The following ARHGEF40 variants were observed in gnomAD, a reference collection of about 807,000 sequenced individuals.
ARHGEF40 encodes the protein Rho guanine nucleotide exchange factor 40.
In ARHGEF40, 98 loss-of-function variants were observed where a neutral mutation model predicts 165.9. The ratio of observed to expected loss-of-function variants is 0.59; its 90% confidence interval spans 0.50 to 0.70. The LOEUF is 0.70. Ranked by LOEUF, ARHGEF40 falls within the 30% of genes least tolerant of loss-of-function variation. The probability of loss-of-function intolerance (pLI) is 0.00; values close to 1 mark genes in which losing one functional copy is unlikely to be tolerated. For synonymous variants in ARHGEF40, 792 were observed against 814.3 expected (o/e 0.97, Z 0.47); for missense variants, 1,815 against 1,968.0 (o/e 0.92, Z 1.47).
upstream of ARHGEF40, among the ~76,000 whole-genome samples, chr14:21,065,531 TAGAC>T (rs778894123): frequency 5.9e-5 from 9 of 152,188 alleles, no homozygotes; most frequent in Non-Finnish European, 8.8e-5. Context: ...TCTATTATGA[TAGAC>T]AGAAAATAAA....
Position 21,081,676 on chromosome 14 carries a change from A to T in ARHGEF40, c.2808A>T (p.Arg936=). Residue 936 remains arginine (R), a synonymous_variant, in exon 14 of 24, where the codon CGA becomes CGT. Transcript: ENST00000298694. Reference sequence around the variant, plus strand: ...ACCTGGGCAGCCCAGCAGCCCTGCGAGAATGGGGCCGCTGCCAGGCCCGCT... The same window carrying T: ...ACCTGGGCAGCCCAGCAGCCCTGCGTGAATGGGGCCGCTGCCAGGCCCGCT... ...ALDLGSPAAL[R]EWGRCQARCQ... is the part of the protein sequence containing the mutation. The T allele has an allele frequency of 6.3e-7, 1 of 1,596,128 alleles. No individual in the cohort carries two copies.
Position 21,070,711 on chromosome 14 carries a change from T to G in ARHGEF40, c.3+312T>G. 1 of 1,239,286 alleles carries G rather than the reference T, an allele frequency of 8.1e-7. No homozygotes were observed. The highest frequency in any genetic ancestry group is 1.1e-6 in the Non-Finnish European group (1 of 886,360). 76.8% of individuals were successfully genotyped at this position (1,239,286 alleles called of 1,614,324 possible). ...TCCTCTGTCCTGACCTGTGCCTTCCTTTCCTGGAGCTTCCCTCCCCCTCCT... is the reference window on the plus strand; with the variant it reads ...TCCTCTGTCCTGACCTGTGCCTTCCGTTCCTGGAGCTTCCCTCCCCCTCCT... On this transcript the variant is annotated intron_variant, in intron 1 of 23. Coordinates refer to ENST00000298694, the MANE Select transcript of ARHGEF40 (RefSeq NM_018071.5). This position sits in a 1 kb window ranked among gnomAD's most constrained non-coding sequence, Gnocchi z 4.7.
intron 18 of ARHGEF40, 109 bp from the exon 19 acceptor site, chr14:21,085,580 C>T (rs992012099): frequency 5.5e-5 from 72 of 1,317,228 alleles, no homozygotes; most frequent in Non-Finnish European, 6.4e-5. Context: ...GTTGAGCAAA[C>T]GTTTACTGAA....
intron 13 of ARHGEF40, 86 bp from the exon 14 acceptor site, chr14:21,081,423 G>C: frequency 6.5e-7 from 1 of 1,546,112 alleles, no homozygotes; most frequent in African/African-American, 1.4e-5. Context: ...ACAGGCAAGA[G>C]GACAAGGGCT....
chr14:21,074,590 G>C lies in ARHGEF40; in HGVS notation c.860G>C (p.Arg287Pro). The C allele has an allele frequency of 6.4e-7, 1 of 1,564,188 alleles. No individual in the cohort carries two copies. The highest frequency in any genetic ancestry group is 2.3e-5 in the East Asian group (1 of 43,666). ...GGGAAGGGCCGCCACCGGAGACACC[G>C]GGCGTGGATGCACCAGAAGGGCCTG... ...AGGKGRHRRH[R>P]AWMHQKGLGP... The change falls in exon 3 of 24, where the codon CGG becomes CCG. Residue 287 changes from arginine to proline, a missense_variant. Transcript: ENST00000298694. The surrounding 1 kb of genome is among the most constrained non-coding windows in gnomAD (Gnocchi z 4.8).
At chr14:21,071,759 C>T (rs1886910788) in intron 1 of ARHGEF40, among the ~76,000 whole-genome samples, 1 of 152,350 alleles carries the variant, frequency 6.6e-6, no homozygotes. Flanking sequence ...CTGCCTCACC[C>T]CCGCCCATCT....
chr14:21,066,357 G>C (rs1243110061), upstream of ARHGEF40, among the ~76,000 whole-genome samples: 3 of 143,738 alleles, frequency 2.1e-5, no homozygotes, highest in African/African-American at 7.8e-5. Flanking sequence ...GTCTCACTTT[G>C]TCGCCAGGCT....
intron 16 of ARHGEF40, among the ~76,000 whole-genome samples, chr14:21,083,230 C>T (rs1181959740): frequency 2.6e-5 from 4 of 152,076 alleles, no homozygotes; most frequent in East Asian, 1.9e-4. Context: ...CATCAAAAGA[C>T]GTACAAGTGA....
rs1203497039 is a variant in ARHGEF40, at chr14:21,079,022, TC to T, written c.2373+16del. ...GGCGACTCCAGCAGGTGAGCCAGGA[TC>T]CCCACGTCCCTCTTACTCAGCCTGG... On this transcript the variant is annotated intron_variant, in intron 11 of 23. Transcript: ENST00000298694. 6.2e-7 allele frequency: 1 copy of T among 1,608,724 alleles called. No individual in the cohort carries two copies. The highest frequency in any genetic ancestry group is 8.5e-7 in the Non-Finnish European group (1 of 1,177,114).
Position 21,075,906 on chromosome 14 carries a change from T to A in ARHGEF40, c.1739+141T>A. The A allele has an allele frequency of 8.9e-7, 1 of 1,127,856 alleles. No individual in the cohort carries two copies. 69.9% of individuals were successfully genotyped at this position (1,127,856 alleles called of 1,614,324 possible). A position where few individuals can be genotyped will look rare whatever the true frequency, so the allele number is the denominator to read the frequency against. ...ACCTTCAGACTTCAAGCCATTGACC[T>A]TTGGCCTTACTTACCCTGACCTCCA... is the stretch of plus-strand genomic sequence containing the variant. On this transcript the variant is annotated intron_variant, in intron 5 of 23. Coordinates refer to ENST00000298694, the MANE Select transcript of ARHGEF40 (RefSeq NM_018071.5). This position sits in a 1 kb window ranked among gnomAD's most constrained non-coding sequence, Gnocchi z 4.5.
At position 21,081,783 on chromosome 14, in the gene ARHGEF40, G is replaced by A. The variant is rs1193858165; in HGVS notation, c.2915G>A (p.Gly972Asp). 3.1e-6 allele frequency: 5 copies of A among 1,596,136 alleles called. No homozygotes were observed. The highest frequency in any genetic ancestry group is 3.5e-5 in the Admixed American group (2 of 57,598). Residue 972 changes from glycine (G) to aspartate (D), a missense_variant, in exon 14 of 24, where the codon GGT (glycine) becomes GAT (aspartate). Gly to Asp is a moderately conservative substitution (Grantham distance 94, BLOSUM62 -1). Transcript: ENST00000298694. Reference protein sequence around the residue: ...PRGYRRRRADGASSGGAQWGP... With the variant: ...PRGYRRRRADDASSGGAQWGP... The stretch of plus-strand genomic sequence containing the variant: ...GGCTACCGACGACGGCGGGCAGACG[G>A]TGCCAGCAGTGGAGGGGCCCAGTGG...
intron 19 of ARHGEF40, 59 bp downstream of exon 19, chr14:21,085,925 C>G: frequency 1.3e-6 from 2 of 1,588,412 alleles, no homozygotes; most frequent in Non-Finnish European, 1.7e-6. Flanking sequence ...AGGAAGTTTT[C>G]TGGAGAGTGT....
At chr14:21,077,631 A>G (rs140327207) in intron 8 of ARHGEF40, among the ~76,000 whole-genome samples, 4 of 152,240 alleles carry the variant, frequency 2.6e-5, no homozygotes, top group Admixed American at 1.3e-4. Flanking sequence ...AGGCCTCAGG[A>G]TCCTCATCAG....
chr14:21,080,209 C>G (rs1193059926), intron 11 of ARHGEF40, among the ~76,000 whole-genome samples: 3 of 20,378 alleles, frequency 1.5e-4, no homozygotes, highest in Non-Finnish European at 4.0e-4. Context: ...GACACACACA[C>G]ACACACACAC....
At position 21,082,103 on chromosome 14, in the gene ARHGEF40, C is replaced by A. The variant is rs770064160; in HGVS notation, c.3235C>A (p.Arg1079Ser). ...GGGAGTAGGCACCCCCCGGATGGAG[C>A]GCAAGCGAAGCATCAGGTGAGATCC... ...PWGVGTPRMERKRSISAQQRL... is the reference protein window; with the variant it reads ...PWGVGTPRMESKRSISAQQRL... The change falls in exon 14 of 24, where the codon CGC becomes AGC. Residue 1079 changes from arginine (R) to serine (S), a missense_variant. Transcript: ENST00000298694. The A allele has an allele frequency of 1.5e-5, 23 of 1,562,358 alleles. No homozygotes were observed. The highest frequency in any genetic ancestry group is 1.9e-5 in the Non-Finnish European group (22 of 1,153,466).
At position 21,083,941 on chromosome 14, in the gene ARHGEF40, C is replaced by G. The variant is rs1303825052; in HGVS notation, c.3680C>G (p.Pro1227Arg). The change falls in exon 17 of 24, where the codon CCT becomes CGT. Residue 1227 changes from proline (P) to arginine (R), a missense_variant. Physicochemically the swap from Pro to Arg is moderately radical, Grantham distance 103 (BLOSUM62 -2). Coordinates refer to ENST00000298694, the MANE Select transcript of ARHGEF40 (RefSeq NM_018071.5). The stretch of plus-strand genomic sequence containing the variant: ...GAGGAGCTCCTGAGGGAAGCTGGGC[C>G]TGAGCTCAGTTCTGAGTGCCGGGCC... Reference protein sequence around the residue: ...LLEELLREAGPELSSECRALG... With the variant: ...LLEELLREAGRELSSECRALG... 3 of 1,613,962 alleles carry G rather than the reference C, an allele frequency of 1.9e-6. No individual in the cohort carries two copies. The African/African-American group carries it at 4.0e-5, about 22-fold the overall frequency.
At position 21,076,420 on chromosome 14, in the gene ARHGEF40, G is replaced by T; in HGVS notation, c.1800G>T (p.Leu600=). 6.2e-7 allele frequency: 1 copy of T among 1,613,756 alleles called. No homozygotes were observed. ...TGGACCTTCGTCAGGCACCTCCACT[G>T]CCTCCAGCACTCATTCCTGCCTTGA... ...VLLDLRQAPP[L]PPALIPALSQ... The change falls in exon 6 of 24, where the codon CTG becomes CTT. Residue 600 remains leucine (L), a synonymous_variant. Transcript: ENST00000298694.
In ARHGEF40 at chr14:21,073,819, A is replaced by G. The variant is rs1015496319; in HGVS notation, c.202-113A>G. On this transcript the variant is annotated intron_variant, in intron 2 of 23. Transcript: ENST00000298694. This position sits in a 1 kb window ranked among gnomAD's most constrained non-coding sequence, Gnocchi z 4.6. ...TCTCCCCTCCTGCTCTCCTGAGAGT[A>G]TAACCTTCCAGGCATAAGGCTGGTC... The G allele has an allele frequency of 2.6e-5, 33 of 1,261,764 alleles. No individual in the cohort carries two copies. The African/African-American group carries it at 4.0e-4, about 15-fold the overall frequency. 78.2% of individuals were successfully genotyped at this position (1,261,764 alleles called of 1,614,324 possible). A position where few individuals can be genotyped will look rare whatever the true frequency, so the allele number is the denominator to read the frequency against.
Position 21,083,924 on chromosome 14 carries a change from C to T in ARHGEF40, c.3663C>T (p.Leu1221=). 1 of 1,614,096 alleles carries T rather than the reference C, an allele frequency of 6.2e-7. No homozygotes were observed. The highest frequency in any genetic ancestry group is 8.5e-7 in the Non-Finnish European group (1 of 1,180,042). ...GGTATGGGCGGCTCCTGGAGGAGCT[C>T]CTGAGGGAAGCTGGGCCTGAGCTCA... ...LTRYGRLLEE[L]LREAGPELSS... The change falls in exon 17 of 24, where the codon CTC becomes CTT. Residue 1221 remains leucine (L), a synonymous_variant. Coordinates refer to ENST00000298694, the MANE Select transcript of ARHGEF40 (RefSeq NM_018071.5).
Sources: allele counts gnomAD v4.1 joint callset (sites outside exome capture counted in the v4.1 genomes callset), GRCh38; gene constraint gnomAD v4.1.1; non-coding constraint Gnocchi (gnomAD v3.1); transcripts MANE v1.5; gene names NCBI Gene and HGNC (gene_info 2026-07-23, HGNC 2026-07-21).